The following PPFIBP1 variants were observed in gnomAD, a reference collection of about 807,000 sequenced individuals.
PPFIBP1 encodes the protein liprin-beta-1.
Under a neutral mutation model 137.8 loss-of-function variants are expected in PPFIBP1, and 112 were observed. The ratio of observed to expected loss-of-function variants is 0.81; its 90% CI spans 0.70 to 0.95. The LOEUF is 0.95. Ranked by LOEUF, PPFIBP1 falls within the 40% of genes least tolerant of loss-of-function variation. The pLI is 0.00. For synonymous variants in PPFIBP1, 378 were observed against 417.3 expected (o/e 0.91, Z 1.15); for missense variants, 1,083 against 1,196.6 (o/e 0.91, Z 1.40).
intron 2 of PPFIBP1, among the ~76,000 whole-genome samples, chr12:27,626,800 A>G (rs2056856198): frequency 6.6e-6 from 1 of 152,108 alleles, no homozygotes; most frequent in Admixed American, 6.5e-5. Flanking sequence ...TCCTGACCTC[A>G]AGTGGTCTGC....
intron 1 of PPFIBP1, among the ~76,000 whole-genome samples, chr12:27,539,853 C>T (rs1324086681): frequency 1.3e-5 from 2 of 152,038 alleles, no homozygotes; most frequent in South Asian, 4.1e-4. Flanking sequence ...GTGTTTTCTT[C>T]TTTTTCTATT....
intron 4 of PPFIBP1, among the ~76,000 whole-genome samples, chr12:27,642,206 C>T (rs1403124528): frequency 1.3e-5 from 2 of 152,212 alleles, no homozygotes; most frequent in African/African-American, 4.8e-5. Flanking sequence ...AATCAAAGTA[C>T]CAATGTTACA....
At chr12:27,658,055 A>G (rs1010390805) in intron 9 of PPFIBP1, among the ~76,000 whole-genome samples, 3 of 151,128 alleles carry the variant, frequency 2.0e-5, no homozygotes, top group Non-Finnish European at 4.4e-5. Flanking sequence ...AGGATCACTT[A>G]AGGCCCAGGA....
intron 2 of PPFIBP1, among the ~76,000 whole-genome samples, chr12:27,624,201 A>G (rs1410435698): frequency 2.0e-5 from 3 of 152,128 alleles, no homozygotes; most frequent in Non-Finnish European, 4.4e-5. Flanking sequence ...TACATAGTTT[A>G]TGGTTTGGAT....
intron 1 of PPFIBP1, among the ~76,000 whole-genome samples, chr12:27,564,556 T>C (rs2049476245): frequency 6.6e-6 from 1 of 152,226 alleles, no homozygotes; most frequent in Non-Finnish European, 1.5e-5. Flanking sequence ...AGGTAAATTT[T>C]TGCATGACTA....
chr12:27,647,698 C>T, intron 5 of PPFIBP1, 31 bp from the exon 6 acceptor site: 1 of 1,385,500 alleles, frequency 7.2e-7, no homozygotes, highest in Admixed American at 2.3e-5. Context: ...AATTCTTTTT[C>T]ACTCATTGCA....
chr12:27,646,844 G>A (rs1027244066), intron 5 of PPFIBP1, among the ~76,000 whole-genome samples: 5 of 152,042 alleles, frequency 3.3e-5, no homozygotes, highest in Non-Finnish European at 7.4e-5. Flanking sequence ...GATTATTGAG[G>A]AAAAACTCAA....
intron 3 of PPFIBP1, among the ~76,000 whole-genome samples, chr12:27,633,972 G>A (rs2057455228): frequency 6.6e-6 from 1 of 151,270 alleles, no homozygotes; most frequent in Non-Finnish European, 1.5e-5. Flanking sequence ...AAGTAGCTGG[G>A]ATTACAGGCA....
chr12:27,585,407 G>A (rs930861276), intron 2 of PPFIBP1, among the ~76,000 whole-genome samples: 25 of 152,292 alleles, frequency 1.6e-4, no homozygotes, highest in African/African-American at 4.8e-4. Context: ...AATATCCAGG[G>A]ATGAGAGTTA....
At chr12:27,550,263 C>T (rs920305143) in intron 1 of PPFIBP1, among the ~76,000 whole-genome samples, 1 of 152,146 alleles carries the variant, frequency 6.6e-6, no homozygotes, top group Non-Finnish European at 1.5e-5. Flanking sequence ...TGCAGATCCT[C>T]GTGAAGGGCT....
chr12:27,691,704 T>G (rs1319384375), intron 27 of PPFIBP1, 45 bp from the exon 28 acceptor site: 1 of 1,539,846 alleles, frequency 6.5e-7, no homozygotes, highest in Non-Finnish European at 8.8e-7. Flanking sequence ...ATTATATGAA[T>G]TTTATCAAAT....
At chr12:27,684,151 C>G (rs1471575826) in intron 24 of PPFIBP1, among the ~76,000 whole-genome samples, 1 of 151,716 alleles carries the variant, frequency 6.6e-6, no homozygotes, top group Non-Finnish European at 1.5e-5. Flanking sequence ...CTCTGCTGCC[C>G]AGGCTGGAGC....
chr12:27,671,633 C>T (rs1375154436), intron 14 of PPFIBP1, 87 bp downstream of exon 14: 1 of 782,080 alleles, frequency 1.3e-6, no homozygotes, highest in Non-Finnish European at 2.0e-6. Context: ...TTTACAGACA[C>T]AATTTTTACC....
chr12:27,652,687 G>T (rs1004025858), intron 7 of PPFIBP1, among the ~76,000 whole-genome samples: 1 of 151,942 alleles, frequency 6.6e-6, no homozygotes, highest in South Asian at 2.1e-4. Flanking sequence ...TTTTTCAGTG[G>T]TTTCTTCTTT....
rs528373100 is a variant in PPFIBP1 at position 27,624,498 on chromosome 12, A to G, written c.-35-8864A>G. Among the ~76,000 whole-genome samples, 8 of 152,140 alleles carry G rather than the reference A, an allele frequency of 5.3e-5. No individual in the cohort carries two copies. The South Asian group carries it at 1.2e-3, about 24-fold the overall frequency. ...GCTTATTGTATGAAACTTTTCATCA[A>G]CTCTCTTCTGGTTATTCCTAAGCAT... On this transcript the variant is annotated intron_variant, in intron 2 of 29. Coordinates refer to ENST00000228425, the MANE Select transcript of PPFIBP1 (RefSeq NM_003622.4).
intron 1 of PPFIBP1, among the ~76,000 whole-genome samples, chr12:27,545,148 C>G (rs1946094156): frequency 6.6e-6 from 1 of 152,014 alleles, no homozygotes; most frequent in African/African-American, 2.4e-5. Flanking sequence ...AAACCAAACA[C>G]CACATGTTCT....
At position 27,578,189 on chromosome 12, in the gene PPFIBP1, C is replaced by T. The variant is rs1292051788; in HGVS notation, c.-86C>T. On this transcript the variant is annotated 5_prime_UTR_variant, in exon 2 of 30. Coordinates refer to ENST00000228425, the MANE Select transcript of PPFIBP1 (RefSeq NM_003622.4). Reference sequence around the variant, plus strand: ...TGTGGATCACTTTGCTGAGTACATCCAAGATTTGAAGAACTGAAATAAATC... The same window carrying T: ...TGTGGATCACTTTGCTGAGTACATCTAAGATTTGAAGAACTGAAATAAATC... 2 of 151,802 alleles carry T rather than the reference C, an allele frequency of 1.3e-5. No individual in the cohort carries two copies. The highest frequency in any genetic ancestry group is 6.6e-5 in the Admixed American group (1 of 15,252). 9.4% of individuals were successfully genotyped at this position (151,802 alleles called of 1,614,324 possible). A position where few individuals can be genotyped will look rare whatever the true frequency, so the allele number is the denominator to read the frequency against.
intron 1 of PPFIBP1, among the ~76,000 whole-genome samples, chr12:27,542,985 AT>A (rs1230475591): frequency 6.6e-6 from 1 of 152,186 alleles, no homozygotes; most frequent in African/African-American, 2.4e-5. Flanking sequence ...AAAAAAGAAG[AT>A]TGTAGAAACT....
At chr12:27,664,914 G>C (rs538939227) in intron 12 of PPFIBP1, among the ~76,000 whole-genome samples, 2 of 152,290 alleles carry the variant, frequency 1.3e-5, no homozygotes, top group Admixed American at 1.3e-4. Context: ...GTGGTCAGGC[G>C]TGGTGGCCTA....
Sources: allele counts gnomAD v4.1 joint callset (sites outside exome capture counted in the v4.1 genomes callset), GRCh38; gene constraint gnomAD v4.1.1; transcripts MANE v1.5; gene names NCBI Gene and HGNC (gene_info 2026-07-23, HGNC 2026-07-21).